Variants in PAPSS2 observed in about 807,000 individuals in gnomAD.
PAPSS2 encodes bifunctional 3'-phosphoadenosine 5'-phosphosulfate synthase 2.
In PAPSS2, 61 loss-of-function variants were observed where a neutral mutation model predicts 66.5. That is an observed-to-expected ratio of 0.92 (90% CI 0.75 to 1.14). The LOEUF (loss-of-function observed/expected upper bound fraction) is 1.14. Ranked by LOEUF, PAPSS2 falls within the 50% of genes most tolerant of loss-of-function variation. The probability of loss-of-function intolerance (pLI) is 0.00; values close to 1 mark genes in which losing one functional copy is unlikely to be tolerated. For synonymous variants in PAPSS2, 289 were observed against 287.5 expected (o/e 1.01, Z -0.05); for missense variants, 708 against 789.6 (o/e 0.90, Z 1.24).
intron 9 of PAPSS2, among the ~76,000 whole-genome samples, chr10:87,728,453 G>A (rs571255995): frequency 6.6e-6 from 1 of 152,164 alleles, no homozygotes; most frequent in African/African-American, 2.4e-5. Flanking sequence ...TAAAAGGAGA[G>A]GCCAGGCTGG....
intron 1 of PAPSS2, among the ~76,000 whole-genome samples, chr10:87,701,669 C>A (rs1436056150): frequency 6.6e-6 from 1 of 152,114 alleles, no homozygotes; most frequent in Non-Finnish European, 1.5e-5. Flanking sequence ...AAGCGATTCT[C>A]TCACCTTGAC....
At chr10:87,695,131 G>C (rs989427801) in intron 1 of PAPSS2, among the ~76,000 whole-genome samples, 2 of 123,842 alleles carry the variant, frequency 1.6e-5, no homozygotes, top group Non-Finnish European at 3.3e-5. Context: ...CCATACCCTG[G>C]TGGCTTATAA....
intron 9 of PAPSS2, among the ~76,000 whole-genome samples, chr10:87,728,740 GA>G (rs78099518): frequency 2.7e-5 from 4 of 148,596 alleles, no homozygotes; most frequent in Non-Finnish European, 4.5e-5. Flanking sequence ...CTGTCTGAAA[GA>G]AAAAAAAAAG....
intron 1 of PAPSS2, among the ~76,000 whole-genome samples, chr10:87,683,024 T>C (rs1296775437): frequency 6.6e-6 from 1 of 152,178 alleles, no homozygotes; most frequent in African/African-American, 2.4e-5. Flanking sequence ...CCAGAACCAC[T>C]TGAGTTCACA....
At chr10:87,716,862 A>G (rs1294257695) in intron 7 of PAPSS2, among the ~76,000 whole-genome samples, 1 of 152,120 alleles carries the variant, frequency 6.6e-6, no homozygotes, top group East Asian at 1.9e-4. Flanking sequence ...AAAAATAATA[A>G]TGCATATCCC....
At chr10:87,678,653 A>G (rs955108456) in intron 1 of PAPSS2, among the ~76,000 whole-genome samples, 1 of 152,194 alleles carries the variant, frequency 6.6e-6, no homozygotes, top group Admixed American at 6.5e-5. Context: ...AAAAGAAGAC[A>G]TGTAAATGGC....
chr10:87,669,687 C>T (rs1464562397), intron 1 of PAPSS2, among the ~76,000 whole-genome samples: 1 of 152,168 alleles, frequency 6.6e-6, no homozygotes, highest in East Asian at 1.9e-4. Context: ...TTCATTGCCA[C>T]GATTTATTGA....
chr10:87,684,750 T>A (rs997936901), intron 1 of PAPSS2, among the ~76,000 whole-genome samples: 3 of 152,208 alleles, frequency 2.0e-5, no homozygotes, highest in African/African-American at 2.4e-5. Context: ...GTGCTATTAT[T>A]CCATCCATTT....
intron 1 of PAPSS2, among the ~76,000 whole-genome samples, chr10:87,662,949 G>A (rs1384006404): frequency 6.8e-6 from 1 of 147,240 alleles, no homozygotes; most frequent in East Asian, 2.0e-4. Context: ...CATGATCTCA[G>A]CTCACTGCAA....
chr10:87,707,738 A>G (rs2131930036), intron 1 of PAPSS2, among the ~76,000 whole-genome samples: 1 of 151,156 alleles, frequency 6.6e-6, no homozygotes, highest in African/African-American at 2.4e-5. Flanking sequence ...CCTGGCTAAT[A>G]TGTTTTTATT....
At chr10:87,706,683 T>C (rs1853395288) in intron 1 of PAPSS2, among the ~76,000 whole-genome samples, 1 of 152,022 alleles carries the variant, frequency 6.6e-6, no homozygotes, top group Non-Finnish European at 1.5e-5. Context: ...AGCTGGATCC[T>C]GGGAGTTCAA....
intron 2 of PAPSS2, 53 bp downstream of exon 2, chr10:87,709,366 G>T: frequency 2.8e-6 from 3 of 1,085,790 alleles, no homozygotes; most frequent in South Asian, 2.5e-5. Context: ...ACTGACATGT[G>T]ACACAATTTT....
chr10:87,729,352 T>C (rs571374267), intron 9 of PAPSS2, among the ~76,000 whole-genome samples: 2 of 152,286 alleles, frequency 1.3e-5, no homozygotes, highest in East Asian at 3.9e-4. Context: ...ATTTTGGTGA[T>C]TCTTATGATA....
intron 1 of PAPSS2, among the ~76,000 whole-genome samples, chr10:87,674,674 TAA>T (rs1383501429): frequency 6.6e-6 from 1 of 152,206 alleles, no homozygotes; most frequent in African/African-American, 2.4e-5. Context: ...AAAAGATCTA[TAA>T]AAGAGTTATA....
intron 1 of PAPSS2, among the ~76,000 whole-genome samples, chr10:87,690,711 A>G (rs1853161938): frequency 6.6e-6 from 1 of 152,202 alleles, no homozygotes; most frequent in Non-Finnish European, 1.5e-5. Flanking sequence ...ATTATCATTA[A>G]AAACAACTAT....
chr10:87,737,636 C>T (rs1192132493), intron 9 of PAPSS2, among the ~76,000 whole-genome samples: 1 of 151,980 alleles, frequency 6.6e-6, no homozygotes, highest in Non-Finnish European at 1.5e-5. Context: ...ATCTGGTTAT[C>T]ATAGTGAGAA....
Position 87,671,855 on chromosome 10 carries a change from A to G in PAPSS2, c.27+11847A>G, listed in dbSNP as rs563316522. On this transcript the variant is annotated intron_variant, in intron 1 of 12. Coordinates refer to ENST00000456849, the MANE Select transcript of PAPSS2 (RefSeq NM_001015880.2). ...GCTAGTGTTAGGAGGGGCAGCTGAG[A>G]CCTGGGTTGAACACTGTAATTGTGT... Among the ~76,000 whole-genome samples the G allele has an allele frequency of 2.6e-5, 4 of 151,394 alleles. No homozygotes were observed. In the South Asian group the frequency reaches 6.2e-4, roughly 24 times the overall value.
At chr10:87,691,266 A>G (rs545121303) in intron 1 of PAPSS2, among the ~76,000 whole-genome samples, 1 of 152,338 alleles carries the variant, frequency 6.6e-6, no homozygotes, top group Admixed American at 6.5e-5. Context: ...TATCATGGGC[A>G]TGACAAATTA....
Position 87,715,633 on chromosome 10 carries a change from T to G in PAPSS2, c.754-99T>G, listed in dbSNP as rs543752150. 87 of 755,052 alleles carry G rather than the reference T, an allele frequency of 1.2e-4. No homozygotes were observed. In the Middle Eastern group the frequency reaches 1.4e-3, roughly 12 times the overall value. 46.8% of individuals were successfully genotyped at this position (755,052 alleles called of 1,614,324 possible). ...ACTTAAAACATAGAAGGTTCTGCCC[T>G]CATCCTCCTGTTAACTGAATAAGAA... On this transcript the variant is annotated intron_variant, in intron 6 of 12. Coordinates refer to ENST00000456849, the MANE Select transcript of PAPSS2 (RefSeq NM_001015880.2).
Sources: allele counts gnomAD v4.1 joint callset (sites outside exome capture counted in the v4.1 genomes callset), GRCh38; gene constraint gnomAD v4.1.1; transcripts MANE v1.5; gene names NCBI Gene and HGNC (gene_info 2026-07-23, HGNC 2026-07-21).